Variants in DPYD observed in about 807,000 individuals in gnomAD.
DPYD encodes dihydropyrimidine dehydrogenase [NADP(+)].
Under a neutral mutation model 116.2 loss-of-function variants are expected in DPYD, and 109 were observed. That is an observed-to-expected ratio of 0.94 (90% confidence interval 0.80 to 1.10). The LOEUF (loss-of-function observed/expected upper bound fraction) is 1.10. Among genes scored for constraint, DPYD ranks in the 50% least tolerant of loss-of-function variants. The probability of loss-of-function intolerance (pLI) is 0.00; values close to 1 mark genes in which losing one functional copy is unlikely to be tolerated. For synonymous variants in DPYD, 440 were observed against 432.0 expected, an observed-to-expected ratio of 1.02 and a Z score of -0.23; for missense variants, 1,302 against 1,254.5, an observed-to-expected ratio of 1.04 and a Z score of -0.57.
At chr1:97,258,293 G>C (rs996977789) in intron 18 of DPYD, among the ~76,000 whole-genome samples, 1 of 152,036 alleles carries the variant, frequency 6.6e-6, no homozygotes, top group South Asian at 2.1e-4. Flanking sequence ...AAACTTCTTT[G>C]TACCCCCTGT....
At chr1:97,469,545 T>C (rs1677527872) in intron 13 of DPYD, among the ~76,000 whole-genome samples, 1 of 152,160 alleles carries the variant, frequency 6.6e-6, no homozygotes, top group Non-Finnish European at 1.5e-5. Flanking sequence ...ACAATAGGTA[T>C]AAGCATCACT....
chr1:97,450,729 C>G (rs1373417082), intron 13 of DPYD, among the ~76,000 whole-genome samples: 1 of 151,802 alleles, frequency 6.6e-6, no homozygotes, highest in Non-Finnish European at 1.5e-5. Context: ...ACCATTAACA[C>G]ACATTCTAAT....
intron 20 of DPYD, among the ~76,000 whole-genome samples, chr1:97,140,268 T>C (rs1339677927): frequency 6.6e-6 from 1 of 152,074 alleles, no homozygotes; most frequent in Non-Finnish European, 1.5e-5. Context: ...TAGAGGTGTT[T>C]GCTTATGATG....
At chr1:97,883,925 T>C (rs1000958008) in intron 1 of DPYD, 1 of 439,236 alleles carries the variant, frequency 2.3e-6, no homozygotes, top group Non-Finnish European at 4.3e-6. Flanking sequence ...CTATATTTGG[T>C]TTTCCAAAAA....
At chr1:97,274,356 G>A (rs917187845) in intron 18 of DPYD, among the ~76,000 whole-genome samples, 3 of 152,034 alleles carry the variant, frequency 2.0e-5, no homozygotes, top group African/African-American at 7.2e-5. Context: ...CACCTGAGCC[G>A]CTTGTTTAAA....
At chr1:97,127,979 A>G (rs1311489491) in intron 20 of DPYD, among the ~76,000 whole-genome samples, 2 of 152,180 alleles carry the variant, frequency 1.3e-5, no homozygotes, top group Non-Finnish European at 2.9e-5. Context: ...TCGGCACTCA[A>G]TAAATTTGTT....
chr1:97,626,735 G>A (rs539617724), intron 8 of DPYD, among the ~76,000 whole-genome samples: 1 of 152,112 alleles, frequency 6.6e-6, no homozygotes, highest in African/African-American at 2.4e-5. Context: ...AAACGACATA[G>A]TAAGGAAAGA....
At chr1:97,514,874 G>C (rs1394769020) in intron 13 of DPYD, among the ~76,000 whole-genome samples, 1 of 151,710 alleles carries the variant, frequency 6.6e-6, no homozygotes, top group Non-Finnish European at 1.5e-5. Context: ...GCTTAATGGG[G>C]CATGTTTGTT....
chr1:97,814,935 A>AGGAG (rs1553245558), intron 3 of DPYD, among the ~76,000 whole-genome samples: 2,821 of 78,402 alleles, frequency 0.036, 73 homozygotes, highest in East Asian at 0.056. Flanking sequence ...AGAGAGAGGA[A>AGGAG]AGAAAGAAAG....
chr1:97,417,011 G>A (rs1674325196), intron 14 of DPYD, among the ~76,000 whole-genome samples: 1 of 152,094 alleles, frequency 6.6e-6, no homozygotes, highest in African/African-American at 2.4e-5. Flanking sequence ...TTGCTAGCTG[G>A]AGAAATATGT....
chr1:97,323,402 GTGTATA>G, intron 16 of DPYD, among the ~76,000 whole-genome samples: 1 of 90,998 alleles, frequency 1.1e-5, no homozygotes, highest in African/African-American at 3.5e-5. Flanking sequence ...GTATACATAT[GTGTATA>G]TGTACACGTA....
chr1:97,729,161 C>A (rs962988796), intron 4 of DPYD, among the ~76,000 whole-genome samples: 1 of 151,952 alleles, frequency 6.6e-6, no homozygotes, highest in East Asian at 1.9e-4. Context: ...TTTTATTGAT[C>A]CTGAGATATT....
At chr1:97,547,834 C>T (rs1651018927) in intron 12 of DPYD, among the ~76,000 whole-genome samples, 1 of 152,058 alleles carries the variant, frequency 6.6e-6, no homozygotes, top group Non-Finnish European at 1.5e-5. Context: ...GAGATTCCTA[C>T]ATTTCTGGGA....
intron 18 of DPYD, among the ~76,000 whole-genome samples, chr1:97,291,326 C>T (rs1485473088): frequency 6.6e-6 from 1 of 152,012 alleles, no homozygotes; most frequent in African/African-American, 2.4e-5. Flanking sequence ...ACCCAGCCAT[C>T]CCATTACTGG....
intron 18 of DPYD, among the ~76,000 whole-genome samples, chr1:97,244,048 T>C (rs1383514161): frequency 1.3e-5 from 2 of 152,026 alleles, no homozygotes; most frequent in African/African-American, 2.4e-5. Context: ...CATGAAGAGC[T>C]AAATGTCTTT....
intron 18 of DPYD, among the ~76,000 whole-genome samples, chr1:97,295,227 T>A (rs1208009661): frequency 6.6e-6 from 1 of 152,090 alleles, no homozygotes; most frequent in African/African-American, 2.4e-5. Flanking sequence ...ATACAAAGTG[T>A]TCAATAAAGT....
chr1:97,527,372 C>T (rs1293062235), intron 12 of DPYD, among the ~76,000 whole-genome samples: 4 of 152,036 alleles, frequency 2.6e-5, no homozygotes, highest in South Asian at 4.2e-4. Flanking sequence ...CCACCATGCC[C>T]AGCTGCTGCC....
chr1:97,173,494 A>AGAATGTG, intron 20 of DPYD, among the ~76,000 whole-genome samples: 1 of 150,996 alleles, frequency 6.6e-6, no homozygotes, highest in African/African-American at 2.4e-5. Context: ...ATATACACGC[A>AGAATGTG]TATATAAAAT....
intron 4 of DPYD, among the ~76,000 whole-genome samples, chr1:97,722,973 T>A (rs1166779614): frequency 6.6e-6 from 1 of 151,082 alleles, no homozygotes; most frequent in African/African-American, 2.4e-5. Context: ...GAAATTTAAG[T>A]CAGAATAAAA....
Sources: gnomAD v4.1 joint callset for allele counts (sites outside exome capture counted in the v4.1 genomes callset) on GRCh38, gnomAD v4.1.1 for gene constraint, MANE v1.5 for transcripts, NCBI Gene and HGNC (gene_info 2026-07-23, HGNC 2026-07-21) for gene names.